Variants in PTPRD observed in about 807,000 individuals in gnomAD.
PTPRD encodes the protein receptor-type tyrosine-protein phosphatase delta.
In PTPRD, 34 loss-of-function variants were observed where a neutral mutation model predicts 214.5. The ratio of observed to expected loss-of-function variants is 0.16; its 90% CI spans 0.12 to 0.21. The LOEUF (loss-of-function observed/expected upper bound fraction) is 0.21, where lower values mean the gene tolerates loss of function less well. Ranked by LOEUF, PTPRD falls within the 10% of genes least tolerant of loss-of-function variation. PTPRD has a pLI of 1.00. For missense variants in PTPRD, 2,545 were observed against 2,398.7 expected (o/e 1.06, Z -1.27); for synonymous variants, 1,128 against 845.7 (o/e 1.33, Z -5.79).
chr9:9,136,629 C>T (rs1446590657), intron 10 of PTPRD, among the ~76,000 whole-genome samples: 1 of 151,766 alleles, frequency 6.6e-6, no homozygotes, highest in Non-Finnish European at 1.5e-5. Context: ...ACAAATAGTC[C>T]AATGGTTAAA....
chr9:8,415,031 T>C (rs1478525543), intron 35 of PTPRD, among the ~76,000 whole-genome samples: 2 of 150,470 alleles, frequency 1.3e-5, no homozygotes, highest in Non-Finnish European at 3.0e-5. Context: ...AACTATCACA[T>C]GGATAGGTGG....
At chr9:8,590,636 T>C (rs760388218) in intron 14 of PTPRD, among the ~76,000 whole-genome samples, 12 of 152,190 alleles carry the variant, frequency 7.9e-5, no homozygotes, top group Non-Finnish European at 1.5e-4. Context: ...ATGGATGTTT[T>C]CAAACAAATG....
At chr9:9,923,970 A>G (rs1454876330) in intron 5 of PTPRD, among the ~76,000 whole-genome samples, 1 of 152,028 alleles carries the variant, frequency 6.6e-6, no homozygotes, top group Non-Finnish European at 1.5e-5. Context: ...TAAACATATG[A>G]AGGATGGAAT....
intron 8 of PTPRD, among the ~76,000 whole-genome samples, chr9:9,528,814 C>T (rs765413904): frequency 1.9e-4 from 28 of 148,866 alleles, no homozygotes; most frequent in Admixed American, 4.0e-4. Flanking sequence ...CTTTATAGTA[C>T]TGTGGGAAAA....
intron 2 of PTPRD, among the ~76,000 whole-genome samples, chr9:10,517,447 T>C (rs2050512055): frequency 6.6e-6 from 1 of 151,992 alleles, no homozygotes; most frequent in Non-Finnish European, 1.5e-5. Flanking sequence ...ATTTGTTTAT[T>C]ATTTCTAGAA....
At chr9:8,331,527 G>A (rs553758219) in intron 44 of PTPRD, 55 bp downstream of exon 44, 907 of 1,575,284 alleles carry the variant, frequency 5.8e-4, no homozygotes, top group Non-Finnish European at 7.3e-4. Context: ...AGTGTATACA[G>A]ACAATGAAGA....
intron 11 of PTPRD, among the ~76,000 whole-genome samples, chr9:8,787,236 G>A (rs1262710876): frequency 1.3e-5 from 2 of 152,164 alleles, no homozygotes; most frequent in Admixed American, 6.5e-5. Flanking sequence ...TGCTGCTTAA[G>A]CAGATTTTTC....
Position 8,688,384 on chromosome 9 carries a change from G to T in PTPRD, c.64+45396C>A, listed in dbSNP as rs183440291. Among the ~76,000 whole-genome samples, 332 of 152,086 alleles carry T rather than the reference G, an allele frequency of 2.2e-3. 2 individuals are homozygous for T. The highest frequency in any genetic ancestry group is 0.014 in the East Asian group (73 of 5,150). On this transcript the variant is annotated intron_variant, in intron 12 of 45. Transcript: ENST00000381196. ...GATCGAGACTATCCTAGCTAACATG[G>T]TGAAACCCCGTCTCTACTAAAAATA...
At chr9:8,758,862 T>G (rs560641188) in intron 11 of PTPRD, among the ~76,000 whole-genome samples, 3 of 152,150 alleles carry the variant, frequency 2.0e-5, no homozygotes, top group Non-Finnish European at 2.9e-5. Flanking sequence ...ATTTTTTGTA[T>G]TTTTAATAGA....
chr9:9,617,496 A>G (rs894531720), intron 7 of PTPRD, among the ~76,000 whole-genome samples: 1 of 152,160 alleles, frequency 6.6e-6, no homozygotes, highest in African/African-American at 2.4e-5. Flanking sequence ...GAATAATGGA[A>G]GTGTATGGAA....
In PTPRD at chr9:9,006,487, C is replaced by G. The variant is rs377749085; in HGVS notation, c.-104+12210G>C. On this transcript the variant is annotated intron_variant, in intron 11 of 45. Coordinates refer to ENST00000381196, the MANE Select transcript of PTPRD (RefSeq NM_002839.4). ...AACGTTATTCTGAATAGTCACTGAT[C>G]CCCAGAGTTTTATCTCTGTAAGTGA... 8.5e-5 allele frequency among the ~76,000 whole-genome samples: 13 copies of G among 152,108 alleles called. No homozygotes were observed. In the East Asian group the frequency reaches 2.1e-3, roughly 25 times the overall value.
At chr9:10,465,584 G>C (rs761275230) in intron 2 of PTPRD, among the ~76,000 whole-genome samples, 25 of 152,080 alleles carry the variant, frequency 1.6e-4, no homozygotes, top group African/African-American at 6.0e-4. Flanking sequence ...TGTTATTGTA[G>C]CCATTGTAAC....
chr9:8,449,782 G>A lies in PTPRD; in HGVS notation c.3931C>T (p.Pro1311Ser), dbSNP rs1214286773. The A allele has an allele frequency of 6.2e-7, 1 of 1,614,048 alleles. No homozygotes were observed. Residue 1311 changes from proline to serine, a missense_variant, in exon 34 of 46, where the codon CCT becomes TCT. Transcript: ENST00000381196. ...ACAGGGTCTGTTGGGTGGTGTGAAG[G>A]GATCTCCTTATTGTTCGGTATGCTG... is the stretch of plus-strand genomic sequence containing the variant. ...KSSIPNNKEI[P>S]SHHPTDPVEL...
At chr9:8,673,157 C>A (rs1596561024) in intron 12 of PTPRD, among the ~76,000 whole-genome samples, 2 of 151,170 alleles carry the variant, frequency 1.3e-5, no homozygotes, top group Admixed American at 1.3e-4. Context: ...AATATCAGAT[C>A]ATCTCTCAAA....
chr9:8,678,131 T>G (rs1465122147), intron 12 of PTPRD, among the ~76,000 whole-genome samples: 1 of 152,184 alleles, frequency 6.6e-6, no homozygotes, highest in Non-Finnish European at 1.5e-5. Flanking sequence ...TTTGAAAGTT[T>G]TGAACGCATT....
At chr9:9,047,856 C>T (rs971176929) in intron 10 of PTPRD, among the ~76,000 whole-genome samples, 1 of 151,982 alleles carries the variant, frequency 6.6e-6, no homozygotes, top group East Asian at 1.9e-4. Context: ...ACAAACCAAG[C>T]AAACAAAGCA....
intron 3 of PTPRD, among the ~76,000 whole-genome samples, chr9:10,103,395 T>TATATATATATATATATATA (rs34926923): frequency 0.011 from 1,325 of 116,462 alleles, 105 homozygotes; most frequent in African/African-American, 0.025. Context: ...ATATATATAT[T>TATATATATATATATATATA]TATTTAAGAG....
chr9:10,480,084 G>C (rs781344912), intron 2 of PTPRD, among the ~76,000 whole-genome samples: 1 of 151,558 alleles, frequency 6.6e-6, no homozygotes, highest in African/African-American at 2.4e-5. Context: ...TAAGCTAATG[G>C]TTTTATGACC....
chr9:8,965,787 G>C (rs983476564), intron 11 of PTPRD, among the ~76,000 whole-genome samples: 3 of 152,100 alleles, frequency 2.0e-5, no homozygotes, highest in African/African-American at 7.2e-5. Flanking sequence ...GTTCTAGCCA[G>C]AGCAATTAGG....
Sources: gnomAD v4.1 joint callset for allele counts (sites outside exome capture counted in the v4.1 genomes callset) on GRCh38, gnomAD v4.1.1 for gene constraint, MANE v1.5 for transcripts, NCBI Gene and HGNC (gene_info 2026-07-23, HGNC 2026-07-21) for gene names.